The following HMCES variants were observed in gnomAD, a reference collection of about 807,000 sequenced individuals.
The protein encoded by HMCES is abasic site processing protein HMCES.
Under a neutral mutation model 35.1 loss-of-function variants are expected in HMCES, and 27 were observed. That is an observed-to-expected ratio of 0.77 (90% CI 0.57 to 1.06). HMCES has a LOEUF of 1.06. HMCES is among the 50% of genes least tolerant of loss of function. HMCES has a pLI of 0.00. For synonymous variants in HMCES, 130 were observed against 154.7 expected (o/e 0.84, Z 1.18); for missense variants, 391 against 430.4 (o/e 0.91, Z 0.81).
chr3:129,304,085 A>C (rs952514901), intron 6 of HMCES, among the ~76,000 whole-genome samples: 4 of 152,050 alleles, frequency 2.6e-5, no homozygotes, highest in African/African-American at 9.7e-5. Context: ...CATTCTGGAG[A>C]GGTGGCATTG....
rs965819732 is a variant in HMCES, at chr3:129,305,698, G to A, written c.*873G>A. The A allele has an allele frequency of 2.0e-5, 3 of 152,306 alleles. No homozygotes were observed. Among genetic ancestry groups the A allele is most frequent in the Non-Finnish European group, 4.4e-5 (3 of 68,128 alleles). 9.4% of individuals were successfully genotyped at this position (152,306 alleles called of 1,614,324 possible). A position where few individuals can be genotyped will look rare whatever the true frequency, so the allele number is the denominator to read the frequency against. The stretch of plus-strand genomic sequence containing the variant: ...ATGACCAGGAGGACTGGGCGGCGCC[G>A]AGCCCAGAACGCTCCTGGCGCAGCA... On this transcript the variant is annotated 3_prime_UTR_variant, in exon 7 of 7. Transcript: ENST00000383463.
At position 129,304,669 on chromosome 3, in the gene HMCES, A is replaced by G. The variant is rs1359288228; in HGVS notation, c.909A>G (p.Thr303=). ...TKSPKKEDSK[T]PQKEESDVPQ... is the part of the protein sequence containing the mutation. ...CACCCAAAAAGGAAGACTCAAAAAC[A>G]CCTCAAAAGGAAGAGTCAGATGTTC... is the stretch of plus-strand genomic sequence containing the variant. Residue 303 remains threonine (T), a synonymous_variant, in exon 7 of 7, where the codon ACA becomes ACG. Coordinates refer to ENST00000383463, the MANE Select transcript of HMCES (RefSeq NM_020187.3). The G allele has an allele frequency of 1.2e-6, 2 of 1,614,014 alleles. No individual in the cohort carries two copies. The highest frequency in any genetic ancestry group is 2.7e-5 in the African/African-American group (2 of 74,900).
chr3:129,296,037 T>G (rs2071087603), intron 4 of HMCES, among the ~76,000 whole-genome samples: 1 of 152,160 alleles, frequency 6.6e-6, no homozygotes, highest in South Asian at 2.1e-4. Context: ...CTTCTCTGTT[T>G]CAGTTTAGAT....
chr3:129,289,013 C>T lies in HMCES; in HGVS notation c.327+16C>T. ...GTCATTTAAGGTAGGTGGCTGGTAG[C>T]TATTAGTGCCCCGTATACCTCAGAA... On this transcript the variant is annotated intron_variant, in intron 3 of 6. Transcript: ENST00000383463. 1.3e-6 allele frequency: 2 copies of T among 1,537,756 alleles called. No homozygotes were observed. Among genetic ancestry groups the T allele is most frequent in the Non-Finnish European group, 1.8e-6 (2 of 1,123,958 alleles).
At position 129,301,799 on chromosome 3, in the gene HMCES, G is replaced by A. The variant is rs1196315916; in HGVS notation, c.636-151G>A. The A allele has an allele frequency of 3.7e-5, 25 of 671,224 alleles. No homozygotes were observed. In the East Asian group the frequency reaches 6.3e-4, roughly 17 times the overall value. 41.6% of individuals were successfully genotyped at this position (671,224 alleles called of 1,614,324 possible). On this transcript the variant is annotated intron_variant, in intron 5 of 6. Coordinates refer to ENST00000383463, the MANE Select transcript of HMCES (RefSeq NM_020187.3). ...TGGTGCCCTGTCACCCTGTGCTCAG[G>A]GAACACATGGCAGCAATCAGCATGT...
At chr3:129,287,924 G>A (rs946942010) in intron 2 of HMCES, among the ~76,000 whole-genome samples, 1 of 152,180 alleles carries the variant, frequency 6.6e-6, no homozygotes, top group African/African-American at 2.4e-5. Flanking sequence ...TGGCGTGGTG[G>A]TGGAAGCCTG....
At chr3:129,294,754 T>C (rs1443403474) in intron 4 of HMCES, among the ~76,000 whole-genome samples, 2 of 152,224 alleles carry the variant, frequency 1.3e-5, no homozygotes, top group Admixed American at 1.3e-4. Flanking sequence ...TTCTCTCTGG[T>C]ATTACAGCCC....
Position 129,302,481 on chromosome 3 carries a change from G to A in HMCES, c.828+339G>A, listed in dbSNP as rs189817540. ...TGTAATCCCAGCACTTTGGGAGGCC[G>A]AGGCAAGTGGATCACGAGGTCAACA... On this transcript the variant is annotated intron_variant, in intron 6 of 6. Coordinates refer to ENST00000383463, the MANE Select transcript of HMCES (RefSeq NM_020187.3). Among the ~76,000 whole-genome samples the A allele has an allele frequency of 5.9e-5, 9 of 152,208 alleles. No individual in the cohort carries two copies. In the South Asian group the frequency reaches 1.5e-3, roughly 25 times the overall value.
chr3:129,292,497 CT>C lies in HMCES; in HGVS notation c.453+1706del, dbSNP rs763165708. 4.6e-3 allele frequency among the ~76,000 whole-genome samples: 613 copies of C among 133,702 alleles called. 1 individual carries two copies. Among genetic ancestry groups the C allele is most frequent in the Non-Finnish European group, 6.5e-3 (407 of 62,228 alleles). The allele number at this position is 133,702 out of a possible 152,430, so 87.7% of individuals were successfully genotyped here. A position where few individuals can be genotyped will look rare whatever the true frequency, so the allele number is the denominator to read the frequency against. On this transcript the variant is annotated intron_variant, in intron 4 of 6. Coordinates refer to ENST00000383463, the MANE Select transcript of HMCES (RefSeq NM_020187.3). The stretch of plus-strand genomic sequence containing the variant: ...ACAGAGAAAAGTTTTTTTTTTTCTT[CT>C]TTTTTTTTTTTTGAGACAGAGTCTC...
At chr3:129,280,224 G>A (rs562649559) in intron 2 of HMCES, among the ~76,000 whole-genome samples, 1 of 152,148 alleles carries the variant, frequency 6.6e-6, no homozygotes, top group African/African-American at 2.4e-5. Context: ...TGATCATCAG[G>A]GTCATTGGAG....
intron 4 of HMCES, among the ~76,000 whole-genome samples, chr3:129,294,373 A>G (rs2071065972): frequency 6.6e-6 from 1 of 152,166 alleles, no homozygotes; most frequent in African/African-American, 2.4e-5. Context: ...CAGTGAGCCA[A>G]GATTGCGCCA....
At chr3:129,302,369 A>G (rs140432408) in intron 6 of HMCES, among the ~76,000 whole-genome samples, 1 of 152,176 alleles carries the variant, frequency 6.6e-6, no homozygotes, top group Admixed American at 6.5e-5. Flanking sequence ...GCTAGACCCT[A>G]TCTAGACATC....
At chr3:129,302,700 G>C (rs569482412) in intron 6 of HMCES, among the ~76,000 whole-genome samples, 1 of 151,916 alleles carries the variant, frequency 6.6e-6, no homozygotes, top group African/African-American at 2.4e-5. Context: ...TTGGTGACAG[G>C]GCGAGACTGC....
Position 129,305,044 on chromosome 3 carries a change from G to A in HMCES, c.*219G>A, listed in dbSNP as rs2071218304. On this transcript the variant is annotated 3_prime_UTR_variant, in exon 7 of 7. Transcript: ENST00000383463. ...GTCCTGCTGCTGTTACCAGCCATGT[G>A]GGCCCCATAGGGGCACTGCGCCTGC... 1.7e-6 allele frequency: 1 copy of A among 576,226 alleles called. No individual in the cohort carries two copies. Among genetic ancestry groups the A allele is most frequent in the Non-Finnish European group, 3.1e-6 (1 of 324,248 alleles). The allele number at this position is 576,226 out of a possible 1,614,324, so 35.7% of individuals were successfully genotyped here.
chr3:129,303,691 C>A (rs937729485), intron 6 of HMCES, among the ~76,000 whole-genome samples: 1 of 151,066 alleles, frequency 6.6e-6, no homozygotes, highest in Non-Finnish European at 1.5e-5. Context: ...GATGCTCAAC[C>A]TGTATTCATT....
chr3:129,285,700 G>A (rs1223550425), intron 2 of HMCES, among the ~76,000 whole-genome samples: 1 of 151,502 alleles, frequency 6.6e-6, no homozygotes, highest in Non-Finnish European at 1.5e-5. Flanking sequence ...TGAGCCACCT[G>A]CCTCCCAAAG....
At chr3:129,296,257 G>C (rs1024616422) in intron 4 of HMCES, among the ~76,000 whole-genome samples, 4 of 151,996 alleles carry the variant, frequency 2.6e-5, no homozygotes, top group African/African-American at 9.7e-5. Flanking sequence ...GACGGGGTTT[G>C]ATAAGGTTGG....
chr3:129,303,119 G>A (rs1251348534), intron 6 of HMCES, among the ~76,000 whole-genome samples: 2 of 152,130 alleles, frequency 1.3e-5, no homozygotes, highest in Non-Finnish European at 2.9e-5. Context: ...GATCCAGAGG[G>A]TGTATTTTAG....
chr3:129,279,693 C>T lies in HMCES; in HGVS notation c.-23-17C>T. ...TTGAGATACGTAAGCCTTTTCCTTA[C>T]GTTTTGTAATTTAAAGGTTGCGAGG... On this transcript the variant is annotated splice_polypyrimidine_tract_variant and intron_variant, in intron 1 of 6. Coordinates refer to ENST00000383463, the MANE Select transcript of HMCES (RefSeq NM_020187.3). This position sits in a 1 kb window ranked among gnomAD's most constrained non-coding sequence, Gnocchi z 4.2. 2 of 1,606,374 alleles carry T rather than the reference C, an allele frequency of 1.2e-6. No individual in the cohort carries two copies. Among genetic ancestry groups the T allele is most frequent in the Non-Finnish European group, 1.7e-6 (2 of 1,176,616 alleles).
Sources: gnomAD v4.1 joint callset for allele counts (sites outside exome capture counted in the v4.1 genomes callset) on GRCh38, gnomAD v4.1.1 for gene constraint, Gnocchi (gnomAD v3.1) non-coding constraint, MANE v1.5 for transcripts, NCBI Gene and HGNC (gene_info 2026-07-23, HGNC 2026-07-21) for gene names.